Variants in PCDHGB3 observed in about 807,000 individuals in gnomAD.
PCDHGB3 encodes the protein protocadherin gamma-B3.
PCDHGB3 carries 40 observed loss-of-function variants against 59.2 expected under a neutral mutation model. That is an observed-to-expected ratio of 0.68 (90% CI 0.52 to 0.88). The LOEUF (loss-of-function observed/expected upper bound fraction) is 0.88. Ranked by LOEUF, PCDHGB3 falls within the 40% of genes least tolerant of loss-of-function variation. The pLI, the probability that PCDHGB3 is intolerant of heterozygous loss-of-function variation, is 0.00. For synonymous variants in PCDHGB3, 581 were observed against 503.6 expected, an observed-to-expected ratio of 1.15 and a Z score of -2.06; for missense variants, 1,309 against 1,187.9, an observed-to-expected ratio of 1.10 and a Z score of -1.50.
At position 141,489,318 on chromosome 5, in the gene PCDHGB3, G is replaced by T; in HGVS notation, c.2416-5489G>T. On this transcript the variant is annotated intron_variant, in intron 1 of 3. Coordinates refer to ENST00000576222, the MANE Select transcript of PCDHGB3 (RefSeq NM_018924.5). The surrounding 1 kb of genome is among the most constrained non-coding windows in gnomAD (Gnocchi z 4.5). ...TGTTGTCCTTGTGCTGCTGGGGCTG[G>T]GTGTCTGGGCAGCTTCGTTACTCAG... The T allele has an allele frequency of 6.3e-7, 1 of 1,599,092 alleles. No homozygotes were observed. Among genetic ancestry groups the T allele is most frequent in the Non-Finnish European group, 8.5e-7 (1 of 1,171,660 alleles).
At chr5:141,422,561 A>T in intron 1 of PCDHGB3, 1 of 1,613,992 alleles carries the variant, frequency 6.2e-7, no homozygotes, top group Non-Finnish European at 8.5e-7. Context: ...AATGTGGCAG[A>T]TGACAACGAT....
At chr5:141,438,589 TAC>T (rs72335471) in intron 1 of PCDHGB3, among the ~76,000 whole-genome samples, 19,881 of 66,350 alleles carry the variant, frequency 0.3, 2,903 homozygotes, top group Admixed American at 0.41. Context: ...CATACATACA[TAC>T]ATATATATAT....
Position 141,432,454 on chromosome 5 carries a change from C to T in PCDHGB3, c.2415+59645C>T, listed in dbSNP as rs751733947. On this transcript the variant is annotated intron_variant, in intron 1 of 3. Coordinates refer to ENST00000576222, the MANE Select transcript of PCDHGB3 (RefSeq NM_018924.5). The surrounding 1 kb of genome is among the most constrained non-coding windows in gnomAD (Gnocchi z 6.0). ...ACAATGCGCCCGAGATCCTGTACCC[C>T]GCCCTCCCCACGGACGGTTCCACTG... 134 of 1,614,108 alleles carry T rather than the reference C, an allele frequency of 8.3e-5. No homozygotes were observed. The highest frequency in any genetic ancestry group is 1.1e-4 in the Non-Finnish European group (133 of 1,180,058).
intron 1 of PCDHGB3, chr5:141,400,271 C>G: frequency 1.2e-6 from 2 of 1,614,094 alleles, no homozygotes; most frequent in Non-Finnish European, 1.7e-6. Flanking sequence ...CGACGCTCCT[C>G]CAGCCCTGCC....
chr5:141,388,706 T>C (rs1189291267), intron 1 of PCDHGB3: 2 of 1,613,856 alleles, frequency 1.2e-6, no homozygotes, highest in African/African-American at 2.7e-5. Flanking sequence ...AGGGTGTCAA[T>C]GCCGAGATTA....
At chr5:141,461,007 A>G (rs965754689) in intron 1 of PCDHGB3, among the ~76,000 whole-genome samples, 1 of 151,418 alleles carries the variant, frequency 6.6e-6, no homozygotes, top group Non-Finnish European at 1.5e-5. Flanking sequence ...GTGTATATAT[A>G]TATACCACAT....
intron 1 of PCDHGB3, among the ~76,000 whole-genome samples, chr5:141,462,941 G>A (rs1667222225): frequency 6.6e-6 from 1 of 152,158 alleles, no homozygotes; most frequent in Non-Finnish European, 1.5e-5. Flanking sequence ...TTCAAGGCTT[G>A]TTTTTAAGCT....
At chr5:141,422,217 C>T (rs1207888890) in intron 1 of PCDHGB3, 2 of 1,563,582 alleles carry the variant, frequency 1.3e-6, no homozygotes, top group Admixed American at 2.0e-5. Context: ...GTCTCTTTAC[C>T]ACCACGACGA....
rs747179611 is a variant in PCDHGB3 at position 141,476,473 on chromosome 5, C to T, written c.2416-18334C>T. ...TAGTGGAGAACCCGCTGGAGCTGTT[C>T]AGCGTGGAAGTGGTGATCCAGGACA... On this transcript the variant is annotated intron_variant, in intron 1 of 3. Coordinates refer to ENST00000576222, the MANE Select transcript of PCDHGB3 (RefSeq NM_018924.5). The surrounding 1 kb of genome is among the most constrained non-coding windows in gnomAD (Gnocchi z 7.6). 3.1e-6 allele frequency: 5 copies of T among 1,613,888 alleles called. No homozygotes were observed. The highest frequency in any genetic ancestry group is 3.3e-5 in the Admixed American group (2 of 59,984).
rs756525217 is a variant in PCDHGB3, at chr5:141,402,958, A to T, written c.2415+30149A>T. On this transcript the variant is annotated intron_variant, in intron 1 of 3. Coordinates refer to ENST00000576222, the MANE Select transcript of PCDHGB3 (RefSeq NM_018924.5). Reference sequence around the variant, plus strand: ...AATTCCAAAGCGAGGCAGCAATGGCAGCTCCAACCAAATGCCAGCTCCGCG... The same window carrying T: ...AATTCCAAAGCGAGGCAGCAATGGCTGCTCCAACCAAATGCCAGCTCCGCG... 48 of 1,602,110 alleles carry T rather than the reference A, an allele frequency of 3.0e-5. 1 individual carries two copies. The highest frequency in any genetic ancestry group is 8.5e-7 in the Non-Finnish European group (1 of 1,173,862).
chr5:141,460,511 AT>A (rs937107682), intron 1 of PCDHGB3, among the ~76,000 whole-genome samples: 2 of 152,168 alleles, frequency 1.3e-5, no homozygotes, highest in African/African-American at 4.8e-5. Flanking sequence ...TGAGAAGGCT[AT>A]CTTTTCCCCA....
chr5:141,371,103 G>A lies in PCDHGB3; in HGVS notation c.709G>A (p.Asp237Asn). Residue 237 changes from aspartate (D) to asparagine (N), a missense_variant, in exon 1 of 4, where the codon GAT (aspartate) becomes AAT (asparagine). Transcript: ENST00000576222. Reference sequence around the variant, plus strand: ...CAGGGTAATTGTCGCAGATGCAAATGATAACCCCCCAGTATTTACTCAGGA... The same window carrying A: ...CAGGGTAATTGTCGCAGATGCAAATAATAACCCCCCAGTATTTACTCAGGA... The part of the protein sequence containing the change: ...QIRVIVADAN[D>N]NPPVFTQDMY... 6.2e-7 allele frequency: 1 copy of A among 1,613,826 alleles called. No individual in the cohort carries two copies. The highest frequency in any genetic ancestry group is 1.1e-5 in the South Asian group (1 of 91,082).
intron 2 of PCDHGB3, among the ~76,000 whole-genome samples, chr5:141,498,024 A>G (rs1455238086): frequency 6.6e-6 from 1 of 152,200 alleles, no homozygotes; most frequent in East Asian, 1.9e-4. Flanking sequence ...GGAGACAAAT[A>G]TTGACCAAAT....
chr5:141,403,766 G>A (rs1371539458), intron 1 of PCDHGB3: 2 of 1,613,864 alleles, frequency 1.2e-6, no homozygotes, highest in East Asian at 2.2e-5. Context: ...CCTGGATGAG[G>A]GAATCAACGG....
At chr5:141,402,202 A>G (rs1223519214) in intron 1 of PCDHGB3, among the ~76,000 whole-genome samples, 1 of 152,138 alleles carries the variant, frequency 6.6e-6, no homozygotes. Flanking sequence ...CTTTTATAAT[A>G]CAAAAATTTA....
chr5:141,385,223 A>G, intron 1 of PCDHGB3: 2 of 1,614,184 alleles, frequency 1.2e-6, no homozygotes, highest in Non-Finnish European at 1.7e-6. Context: ...CAGCCCAACT[A>G]TGTAGACATG....
At chr5:141,481,390 G>A (rs553179819) in intron 1 of PCDHGB3, among the ~76,000 whole-genome samples, 2 of 152,346 alleles carry the variant, frequency 1.3e-5, no homozygotes, top group East Asian at 3.9e-4. Context: ...TTGGAGGGAT[G>A]TGACAAAATT....
At position 141,414,719 on chromosome 5, in the gene PCDHGB3, C is replaced by T. The variant is rs1361757630; in HGVS notation, c.2415+41910C>T. On this transcript the variant is annotated intron_variant, in intron 1 of 3. Transcript: ENST00000576222. ...TCATACATATCCATCAACTCAGACA[C>T]TGGCGTCCTGTATGCACTCAGATCC... The T allele has an allele frequency of 1.2e-6, 2 of 1,614,050 alleles. No individual in the cohort carries two copies. Among genetic ancestry groups the T allele is most frequent in the African/African-American group, 1.3e-5 (1 of 74,934 alleles).
intron 1 of PCDHGB3, chr5:141,410,721 A>G (rs2154543206): frequency 1.5e-5 from 21 of 1,395,496 alleles, no homozygotes; most frequent in Non-Finnish European, 2.0e-5. Context: ...ATATGTTTAA[A>G]ATCCATAGCT....
Sources: gnomAD v4.1 joint callset for allele counts (sites outside exome capture counted in the v4.1 genomes callset) on GRCh38, gnomAD v4.1.1 for gene constraint, Gnocchi (gnomAD v3.1) non-coding constraint, MANE v1.5 for transcripts, NCBI Gene and HGNC (gene_info 2026-07-23, HGNC 2026-07-21) for gene names.